The following CPA4 variants were observed in gnomAD, a reference collection of about 807,000 sequenced individuals.
The protein encoded by CPA4 is carboxypeptidase A4, also known as carboxypeptidase A3.
CPA4 carries 49 observed loss-of-function variants against 54.7 expected under a neutral mutation model. The ratio of observed to expected loss-of-function variants is 0.90; its 90% CI spans 0.71 to 1.14. The LOEUF (loss-of-function observed/expected upper bound fraction) is 1.14. CPA4 is among the 50% of genes most tolerant of loss of function. The pLI is 0.00. For synonymous variants in CPA4, 215 were observed against 206.8 expected, an observed-to-expected ratio of 1.04 and a Z score of -0.34; for missense variants, 487 against 525.1, an observed-to-expected ratio of 0.93 and a Z score of 0.71.
At position 130,299,410 on chromosome 7, in the gene CPA4, T is replaced by TA. The variant is rs770927526; in HGVS notation, c.285+7dup. On this transcript the variant is annotated splice_region_variant and intron_variant, in intron 3 of 10. Coordinates refer to ENST00000222482, the MANE Select transcript of CPA4 (RefSeq NM_016352.4). ...TGACAATTGAGGACCTGCAGGTAGG[T>TA]AGACTATGCCTCCTGCCTCCTGCTC... 2 of 1,613,502 alleles carry TA rather than the reference T, an allele frequency of 1.2e-6. No individual in the cohort carries two copies. The highest frequency in any genetic ancestry group is 1.7e-6 in the Non-Finnish European group (2 of 1,179,476).
Position 130,310,635 on chromosome 7 carries a change from C to T in CPA4, c.794-152C>T. The T allele has an allele frequency of 3.0e-6, 2 of 658,486 alleles. No homozygotes were observed. Among genetic ancestry groups the T allele is most frequent in the Non-Finnish European group, 2.7e-6 (1 of 376,010 alleles). 40.8% of individuals were successfully genotyped at this position (658,486 alleles called of 1,614,324 possible). ...CCCTCCCTCTTCCATGCCTTCTCTGCAGTCCACACCCACCATGGACTAGGT... is the reference window on the plus strand; with the variant it reads ...CCCTCCCTCTTCCATGCCTTCTCTGTAGTCCACACCCACCATGGACTAGGT... On this transcript the variant is annotated intron_variant, in intron 8 of 10. Coordinates refer to ENST00000222482, the MANE Select transcript of CPA4 (RefSeq NM_016352.4). The surrounding 1 kb of genome is among the most constrained non-coding windows in gnomAD (Gnocchi z 4.3).
chr7:130,308,242 C>G lies in CPA4; in HGVS notation c.703-65C>G, dbSNP rs1716599362. The G allele has an allele frequency of 2.1e-6, 3 of 1,397,368 alleles. No homozygotes were observed. The Admixed American group carries it at 5.0e-5, about 23-fold the overall frequency. The allele number at this position is 1,397,368 out of a possible 1,614,324, so 86.6% of individuals were successfully genotyped here. A position where few individuals can be genotyped will look rare whatever the true frequency, so the allele number is the denominator to read the frequency against. The stretch of plus-strand genomic sequence containing the variant: ...TGCCCTGCCTGCGTGTCATCTCCAC[C>G]CTAGCCCTCTTCGGTGATCTGATCT... On this transcript the variant is annotated intron_variant, in intron 7 of 10. Transcript: ENST00000222482.
chr7:130,293,484 A>G (rs78283599), intron 1 of CPA4: 25,279 of 487,984 alleles, frequency 0.052, 823 homozygotes, highest in Non-Finnish European at 0.067. Context: ...ATCTCCTGCC[A>G]GTTCTTTTTC....
At chr7:130,308,478 G>T (rs559224431) in intron 8 of CPA4, 81 bp downstream of exon 8, 39 of 1,140,802 alleles carry the variant, frequency 3.4e-5, no homozygotes, top group Non-Finnish European at 4.9e-5. Context: ...TGGCCGGGAC[G>T]GAGCGCGTTT....
intron 1 of CPA4, among the ~76,000 whole-genome samples, chr7:130,296,506 A>G (rs1375537646): frequency 6.6e-6 from 1 of 152,244 alleles, no homozygotes; most frequent in East Asian, 1.9e-4. Context: ...AATGCGTAAC[A>G]TGATTTTCAT....
At position 130,320,127 on chromosome 7, in the gene CPA4, G is replaced by A. The variant is rs144187256; in HGVS notation, c.1079-2362G>A. Among the ~76,000 whole-genome samples, 619 of 152,260 alleles carry A rather than the reference G, an allele frequency of 4.1e-3. 4 individuals are homozygous for A. Among genetic ancestry groups the A allele is most frequent in the Middle Eastern group, 0.017 (5 of 294 alleles). ...AATGCAGGATAAATACACATTTGGT[G>A]CATTCACACAATGCAGCACTACAGA... On this transcript the variant is annotated intron_variant, in intron 10 of 10. Coordinates refer to ENST00000222482, the MANE Select transcript of CPA4 (RefSeq NM_016352.4).
At chr7:130,299,233 C>A in intron 2 of CPA4, 37 bp from the exon 3 acceptor site, 1 of 1,604,964 alleles carries the variant, frequency 6.2e-7, no homozygotes, top group Non-Finnish European at 8.5e-7. Flanking sequence ...TTTACCTGAA[C>A]GGTCCTTTAA....
intron 1 of CPA4, among the ~76,000 whole-genome samples, chr7:130,296,831 T>C (rs904049590): frequency 6.6e-6 from 1 of 151,156 alleles, no homozygotes; most frequent in Non-Finnish European, 1.5e-5. Context: ...AATCCCCACT[T>C]TAAAGATACC....
intron 10 of CPA4, among the ~76,000 whole-genome samples, chr7:130,318,674 G>A (rs1166593827): frequency 6.6e-6 from 1 of 152,134 alleles, no homozygotes; most frequent in Non-Finnish European, 1.5e-5. Flanking sequence ...GCCTCTCAAA[G>A]TGCTGGGATT....
At chr7:130,311,111 ATCT>A in intron 9 of CPA4, 125 bp downstream of exon 9, 2 of 727,982 alleles carry the variant, frequency 2.7e-6, no homozygotes, top group Admixed American at 4.3e-5. Flanking sequence ...TGAAGGTCCA[ATCT>A]TCTCTCCCTG....
At chr7:130,297,116 T>C (rs1793662245) in intron 1 of CPA4, among the ~76,000 whole-genome samples, 1 of 151,920 alleles carries the variant, frequency 6.6e-6, no homozygotes, top group South Asian at 2.1e-4. Flanking sequence ...CACGCCCAGC[T>C]AATTGTTTTT....
At chr7:130,299,604 A>G (rs1793708331) in intron 3 of CPA4, 200 bp downstream of exon 3, 1 of 550,508 alleles carries the variant, frequency 1.8e-6, no homozygotes, top group African/African-American at 1.9e-5. Flanking sequence ...TAGGCCAGGG[A>G]ACCACACAGA....
intron 10 of CPA4, among the ~76,000 whole-genome samples, chr7:130,317,007 G>A (rs1300353507): frequency 6.6e-6 from 1 of 152,022 alleles, no homozygotes; most frequent in Non-Finnish European, 1.5e-5. Context: ...ATTGAATATA[G>A]GGCTTGCATG....
chr7:130,314,353 T>C (rs1793957478), intron 10 of CPA4, among the ~76,000 whole-genome samples: 1 of 152,192 alleles, frequency 6.6e-6, no homozygotes, highest in Non-Finnish European at 1.5e-5. Flanking sequence ...GGAGTCGTAA[T>C]AGGTTTGAAA....
rs1204383386 is a variant in CPA4 at position 130,310,069 on chromosome 7, G to A, written c.794-718G>A. 5.3e-5 allele frequency among the ~76,000 whole-genome samples: 8 copies of A among 152,266 alleles called. No individual in the cohort carries two copies. The highest frequency in any genetic ancestry group is 2.1e-4 in the South Asian group (1 of 4,824). ...GACATGAGGCACTGTGCCCGGCCCCGATGGTTTGTTTTTAATGTGCTTCTT... is the reference window on the plus strand; with the variant it reads ...GACATGAGGCACTGTGCCCGGCCCCAATGGTTTGTTTTTAATGTGCTTCTT... On this transcript the variant is annotated intron_variant, in intron 8 of 10. Coordinates refer to ENST00000222482, the MANE Select transcript of CPA4 (RefSeq NM_016352.4). This position sits in a 1 kb window ranked among gnomAD's most constrained non-coding sequence, Gnocchi z 4.3.
At chr7:130,302,323 C>T (rs1562928875) in intron 4 of CPA4, among the ~76,000 whole-genome samples, 1 of 151,894 alleles carries the variant, frequency 6.6e-6, no homozygotes, top group Non-Finnish European at 1.5e-5. Context: ...CCCGTCTCAA[C>T]TAAAAAAATA....
chr7:130,320,014 A>G (rs1399751784), intron 10 of CPA4, among the ~76,000 whole-genome samples: 5 of 152,132 alleles, frequency 3.3e-5, no homozygotes, highest in Admixed American at 3.3e-4. Flanking sequence ...GCGGCTTCTG[A>G]GGGCCCTCAG....
At chr7:130,294,079 A>T (rs951968320) in intron 1 of CPA4, among the ~76,000 whole-genome samples, 1 of 152,204 alleles carries the variant, frequency 6.6e-6, no homozygotes, top group Non-Finnish European at 1.5e-5. Flanking sequence ...CATGTACATT[A>T]TCTTTTTGAT....
chr7:130,307,704 A>C (rs1793846712), intron 7 of CPA4, among the ~76,000 whole-genome samples: 1 of 151,744 alleles, frequency 6.6e-6, no homozygotes, highest in African/African-American at 2.4e-5. Flanking sequence ...CTGCGCATGC[A>C]CCTGGTGCTG....
Sources: gnomAD v4.1 joint callset for allele counts (sites outside exome capture counted in the v4.1 genomes callset) on GRCh38, gnomAD v4.1.1 for gene constraint, Gnocchi (gnomAD v3.1) non-coding constraint, MANE v1.5 for transcripts, NCBI Gene and HGNC (gene_info 2026-07-23, HGNC 2026-07-21) for gene names.